The following MYO7B variants were observed in gnomAD, a reference collection of about 807,000 sequenced individuals.
MYO7B encodes the protein myosin VIIB.
In MYO7B, 212 loss-of-function variants were observed where a neutral mutation model predicts 259.7. The ratio of observed to expected loss-of-function variants is 0.82; its 90% confidence interval spans 0.73 to 0.91. The LOEUF (loss-of-function observed/expected upper bound fraction) is 0.91, where lower values mean the gene tolerates loss of function less well. Ranked by LOEUF, MYO7B falls within the 40% of genes least tolerant of loss-of-function variation. MYO7B has a pLI of 0.00. For synonymous variants in MYO7B, 1,197 were observed against 1,166.4 expected (o/e 1.03, Z -0.54); for missense variants, 2,732 against 2,813.5 (o/e 0.97, Z 0.66).
At chr2:127,551,332 A>G (rs1289666767) in intron 1 of MYO7B, among the ~76,000 whole-genome samples, 2 of 152,174 alleles carry the variant, frequency 1.3e-5, no homozygotes, top group Non-Finnish European at 2.9e-5. Flanking sequence ...TGAAGCCACA[A>G]CTGGGGCTGG....
chr2:127,617,172 C>T (rs1296265129), intron 26 of MYO7B, among the ~76,000 whole-genome samples: 3 of 152,264 alleles, frequency 2.0e-5, no homozygotes, highest in Non-Finnish European at 4.4e-5. Context: ...TACCAGCGCA[C>T]GTTTACAAGC....
intron 1 of MYO7B, among the ~76,000 whole-genome samples, chr2:127,547,433 A>C (rs906597545): frequency 6.6e-5 from 10 of 152,190 alleles, no homozygotes; most frequent in Non-Finnish European, 1.0e-4. Flanking sequence ...TTCATATCAG[A>C]TCAAGTACAG....
chr2:127,569,933 C>T lies in MYO7B; in HGVS notation c.592+23C>T, dbSNP rs183229722. The T allele has an allele frequency of 1.3e-3, 2,088 of 1,599,406 alleles. 5 individuals carry two copies. Among genetic ancestry groups the T allele is most frequent in the Admixed American group, 2.7e-3 (160 of 58,862 alleles). ...AGGGTAAGCATCACTCTGGGACCCG[C>T]CCTTCTCCCCCAGCCCCCCTGGAGC... On this transcript the variant is annotated intron_variant, in intron 6 of 47. Coordinates refer to ENST00000409816, the MANE Select transcript of MYO7B (RefSeq NM_001393586.1).
chr2:127,538,997 T>C (rs1179586687), intron 1 of MYO7B, among the ~76,000 whole-genome samples: 1 of 152,206 alleles, frequency 6.6e-6, no homozygotes, highest in African/African-American at 2.4e-5. Flanking sequence ...ATCAAACTAA[T>C]GAGCAGGTGC....
At chr2:127,552,509 C>T (rs1481103443) in intron 1 of MYO7B, among the ~76,000 whole-genome samples, 1 of 152,158 alleles carries the variant, frequency 6.6e-6, no homozygotes, top group African/African-American at 2.4e-5. Context: ...GAAGACCAGG[C>T]AAGCCATGGA....
At chr2:127,592,771 C>A (rs771862806) in intron 16 of MYO7B, 23 bp from the exon 17 acceptor site, 5 of 1,599,284 alleles carry the variant, frequency 3.1e-6, no homozygotes, top group Non-Finnish European at 4.3e-6. Context: ...TGCGCTGGGT[C>A]AGCGCCCGGT....
intron 2 of MYO7B, among the ~76,000 whole-genome samples, chr2:127,563,301 C>G (rs893013346): frequency 1.3e-5 from 2 of 152,150 alleles, no homozygotes; most frequent in Admixed American, 1.3e-4. Context: ...TGTGCTGGTT[C>G]CTTTTGGATT....
At position 127,609,775 on chromosome 2, in the gene MYO7B, A is replaced by G. The variant is rs2105033554; in HGVS notation, c.3024+60A>G. Reference sequence around the variant, plus strand: ...CAGCCCCGAGCCTGGGGTGTGAGCTATGGCTCGGGGAAAGAAGGAAGGGGC... The same window carrying G: ...CAGCCCCGAGCCTGGGGTGTGAGCTGTGGCTCGGGGAAAGAAGGAAGGGGC... On this transcript the variant is annotated intron_variant, in intron 23 of 47. Transcript: ENST00000409816. The surrounding 1 kb of genome is among the most constrained non-coding windows in gnomAD (Gnocchi z 6.9). 2 of 1,611,476 alleles carry G rather than the reference A, an allele frequency of 1.2e-6. No individual in the cohort carries two copies. Among genetic ancestry groups the G allele is most frequent in the Non-Finnish European group, 1.7e-6 (2 of 1,177,840 alleles).
chr2:127,578,100 T>C (rs1558811697), intron 8 of MYO7B, 33 bp from the exon 9 acceptor site: 1 of 1,610,994 alleles, frequency 6.2e-7, no homozygotes, highest in Admixed American at 1.7e-5. Flanking sequence ...GGGCAGGGGA[T>C]GGCCCCATTC....
intron 24 of MYO7B, among the ~76,000 whole-genome samples, chr2:127,610,248 G>T (rs906845840): frequency 6.6e-6 from 1 of 152,108 alleles, no homozygotes; most frequent in East Asian, 1.9e-4. Context: ...AGTCATTAAC[G>T]GAGAGGGTGC....
chr2:127,637,078 G>A (rs763938424), intron 47 of MYO7B, 165 bp downstream of exon 47: 105 of 1,297,058 alleles, frequency 8.1e-5, no homozygotes, highest in Middle Eastern at 1.8e-4. Flanking sequence ...CCCAGGACCA[G>A]CAGCCAAGGT....
rs543123271 is a variant in MYO7B at position 127,578,159 on chromosome 2, C to T, written c.876C>T (p.Leu292=). 2.5e-6 allele frequency: 4 copies of T among 1,613,818 alleles called. No individual in the cohort carries two copies. The East Asian group carries it at 6.7e-5, about 27-fold the overall frequency. ...TMGNCTSCEG[L]NDAKDYAHIR... ...GGAACTGCACTTCCTGTGAGGGGCTCAACGACGCCAAGGACTACGCCCACA... is the reference window on the plus strand; with the variant it reads ...GGAACTGCACTTCCTGTGAGGGGCTTAACGACGCCAAGGACTACGCCCACA... The change falls in exon 9 of 48, where the codon CTC becomes CTT. Residue 292 remains leucine, a synonymous_variant. Transcript: ENST00000409816.
At chr2:127,566,598 C>A (rs1254059457) in intron 4 of MYO7B, 45 bp from the exon 5 acceptor site, 5 of 1,501,072 alleles carry the variant, frequency 3.3e-6, no homozygotes, top group Non-Finnish European at 4.4e-6. Flanking sequence ...GGGCCGAGTA[C>A]CTCTGCCAGG....
intron 10 of MYO7B, 131 bp from the exon 11 acceptor site, chr2:127,581,760 G>C: frequency 7.7e-7 from 1 of 1,299,582 alleles, no homozygotes; most frequent in Admixed American, 2.4e-5. Flanking sequence ...CCCTGGCCTC[G>C]GGCAGCGCCC....
At position 127,607,223 on chromosome 2, in the gene MYO7B, G is replaced by T. The variant is rs1275392795; in HGVS notation, c.2442G>T (p.Glu814Asp). The stretch of plus-strand genomic sequence containing the variant: ...CTCCGCAGATCCTCGTGGGCTTTGA[G>T]CGCCTGCAGGCTATTGCCCGGAGCC... ...RNFKLILVGF[E>D]RLQAIARSQP... The change falls in exon 21 of 48, where the codon GAG becomes GAT. Residue 814 changes from glutamate to aspartate, a missense_variant. This residue lies in a region of MYO7B where 1,906 missense variants were observed against 2,026.4 expected (regional missense o/e 0.94). Transcript: ENST00000409816. This position sits in a 1 kb window ranked among gnomAD's most constrained non-coding sequence, Gnocchi z 4.4. 1 of 1,549,294 alleles carries T rather than the reference G, an allele frequency of 6.5e-7. No individual in the cohort carries two copies.
At chr2:127,598,804 T>C (rs1006362150) in intron 19 of MYO7B, among the ~76,000 whole-genome samples, 2 of 152,202 alleles carry the variant, frequency 1.3e-5, no homozygotes, top group Non-Finnish European at 2.9e-5. Flanking sequence ...TCTATGGTTG[T>C]CTCCCCAGTA....
Position 127,592,922 on chromosome 2 carries a change from G to A in MYO7B, c.2121G>A (p.Leu707=). 1 of 1,601,124 alleles carries A rather than the reference G, an allele frequency of 6.2e-7. No individual in the cohort carries two copies. Among genetic ancestry groups the A allele is most frequent in the East Asian group, 2.3e-5 (1 of 44,114 alleles). The change falls in exon 17 of 48, where the codon TTG becomes TTA. Residue 707 remains leucine (L), a synonymous_variant. Transcript: ENST00000409816. ...AGTTCTCGCAGAGGTTCGGCGTGTT[G>A]CTGCCCAACGCCATGCGGATGCAGG... ...FEEFSQRFGV[L]LPNAMRMQLQ...
intron 30 of MYO7B, 148 bp downstream of exon 30, chr2:127,624,468 C>G: frequency 1.4e-6 from 1 of 720,708 alleles, no homozygotes; most frequent in South Asian, 1.9e-5. Flanking sequence ...CCAGGCCCAG[C>G]CTCTGTTTCC....
intron 1 of MYO7B, among the ~76,000 whole-genome samples, chr2:127,543,387 C>T (rs1693085347): frequency 6.6e-6 from 1 of 152,128 alleles, no homozygotes; most frequent in Non-Finnish European, 1.5e-5. Context: ...TGAGTCAACA[C>T]AGCACATGTT....
Sources: allele counts gnomAD v4.1 joint callset (sites outside exome capture counted in the v4.1 genomes callset), GRCh38; gene constraint gnomAD v4.1.1; regional missense constraint gnomAD v4.1.1; non-coding constraint Gnocchi (gnomAD v3.1); transcripts MANE v1.5; gene names NCBI Gene and HGNC (gene_info 2026-07-23, HGNC 2026-07-21).